The following BACE2 variants were observed in gnomAD, a reference collection of about 807,000 sequenced individuals.
BACE2 encodes 56 kDa aspartic-like protease.
In BACE2, 17 loss-of-function variants were observed where a neutral mutation model predicts 46.2. The ratio of observed to expected loss-of-function variants is 0.37; its 90% CI spans 0.25 to 0.55. The LOEUF is 0.55. Ranked by LOEUF, BACE2 falls within the 20% of genes least tolerant of loss-of-function variation. The pLI, the probability that BACE2 is intolerant of heterozygous loss-of-function variation, is 0.82. For synonymous variants in BACE2, 277 were observed against 295.9 expected, an observed-to-expected ratio of 0.94 and a Z score of 0.66; for missense variants, 595 against 698.1, an observed-to-expected ratio of 0.85 and a Z score of 1.66.
At chr21:41,251,526 T>C (rs1987638879) in intron 7 of BACE2, among the ~76,000 whole-genome samples, 2 of 152,114 alleles carry the variant, frequency 1.3e-5, no homozygotes, top group South Asian at 4.1e-4. Flanking sequence ...GTGGGCTGGG[T>C]GCGGTGGCTC....
At chr21:41,222,001 G>T (rs189388150) in intron 1 of BACE2, among the ~76,000 whole-genome samples, 2 of 152,148 alleles carry the variant, frequency 1.3e-5, no homozygotes, top group African/African-American at 4.8e-5. Flanking sequence ...GCATGATTGC[G>T]CACGGGGCCC....
At chr21:41,270,047 G>A (rs866465461) in intron 8 of BACE2, among the ~76,000 whole-genome samples, 2 of 152,224 alleles carry the variant, frequency 1.3e-5, no homozygotes, top group East Asian at 3.9e-4. Flanking sequence ...AATATTTAGC[G>A]GTCTCATCGT....
intron 2 of BACE2, among the ~76,000 whole-genome samples, chr21:41,228,355 C>T (rs922588144): frequency 1.3e-5 from 2 of 152,192 alleles, no homozygotes; most frequent in Non-Finnish European, 2.9e-5. Flanking sequence ...CACTCACACA[C>T]CCCAAGCAGC....
At chr21:41,208,911 C>T (rs1184145447) in intron 1 of BACE2, among the ~76,000 whole-genome samples, 1 of 152,152 alleles carries the variant, frequency 6.6e-6, no homozygotes, top group Non-Finnish European at 1.5e-5. Context: ...GGCAGAACAA[C>T]CACCTGCCAG....
At chr21:41,195,856 A>C (rs900578720) in intron 1 of BACE2, among the ~76,000 whole-genome samples, 2 of 152,264 alleles carry the variant, frequency 1.3e-5, no homozygotes, top group Non-Finnish European at 2.9e-5. Context: ...GAGAAGTATA[A>C]CTTACATGGC....
chr21:41,258,817 T>C lies in BACE2; in HGVS notation c.1303+1491T>C, dbSNP rs562305513. Among the ~76,000 whole-genome samples the C allele has an allele frequency of 1.2e-3, 179 of 152,304 alleles. No individual in the cohort carries two copies. In the Middle Eastern group the frequency reaches 0.02, roughly 17 times the overall value. ...GCATTTGTGAGCAGACTTGGAACCC[T>C]TCCCATTGTCATGTTTTTTATCTTT... On this transcript the variant is annotated intron_variant, in intron 8 of 8. Coordinates refer to ENST00000330333, the MANE Select transcript of BACE2 (RefSeq NM_012105.5).
chr21:41,216,706 C>A (rs565681901), intron 1 of BACE2, among the ~76,000 whole-genome samples: 19 of 152,304 alleles, frequency 1.2e-4, no homozygotes, highest in African/African-American at 4.6e-4. Context: ...ACTGGGGCTG[C>A]TGTGTGGAGG....
chr21:41,252,975 C>T (rs1249613760), intron 7 of BACE2, among the ~76,000 whole-genome samples: 1 of 152,154 alleles, frequency 6.6e-6, no homozygotes, highest in African/African-American at 2.4e-5. Flanking sequence ...TTCCCTCACA[C>T]CGTAACTTTG....
At chr21:41,171,737 A>G (rs1317821160) in intron 1 of BACE2, among the ~76,000 whole-genome samples, 2 of 152,244 alleles carry the variant, frequency 1.3e-5, no homozygotes, top group South Asian at 4.1e-4. Flanking sequence ...GAAGGTGTGC[A>G]GCCATATACC....
chr21:41,221,973 GT>G (rs1986670776), intron 1 of BACE2, among the ~76,000 whole-genome samples: 1 of 152,238 alleles, frequency 6.6e-6, no homozygotes. Flanking sequence ...AGCAGGAGCT[GT>G]CGGGACCCCG....
At chr21:41,220,727 T>A (rs1025426162) in intron 1 of BACE2, among the ~76,000 whole-genome samples, 14 of 150,598 alleles carry the variant, frequency 9.3e-5, no homozygotes, top group Non-Finnish European at 1.8e-4. Flanking sequence ...TGTAAATATA[T>A]TTTTATATAT....
intron 1 of BACE2, among the ~76,000 whole-genome samples, chr21:41,224,047 C>T (rs1481174436): frequency 6.6e-6 from 1 of 151,980 alleles, no homozygotes. Context: ...CCCCGGGATC[C>T]AGAGTGAAGA....
rs904971811 is a variant in BACE2 at position 41,238,482 on chromosome 21, C to G, written c.618+753C>G. Among the ~76,000 whole-genome samples the G allele has an allele frequency of 2.6e-5, 4 of 152,162 alleles. No homozygotes were observed. In the South Asian group the frequency reaches 8.3e-4, roughly 32 times the overall value. On this transcript the variant is annotated intron_variant, in intron 3 of 8. Coordinates refer to ENST00000330333, the MANE Select transcript of BACE2 (RefSeq NM_012105.5). ...GTAGACGCTAGGGGTGTGTGCAGGG[C>G]TCCTGGAGTCCACATGGGTTTGTAT...
chr21:41,185,382 A>G (rs1985333200), intron 1 of BACE2: 2 of 152,172 alleles, frequency 1.3e-5, no homozygotes, highest in Admixed American at 1.3e-4. Flanking sequence ...TGAAGAACCT[A>G]CCCAGTAGTG....
At chr21:41,220,979 G>C (rs529598416) in intron 1 of BACE2, among the ~76,000 whole-genome samples, 36 of 148,490 alleles carry the variant, frequency 2.4e-4, no homozygotes, top group African/African-American at 9.0e-4. Context: ...TGGATCACTT[G>C]AAGTCAGGAG....
intron 1 of BACE2, chr21:41,181,559 C>T (rs1273912002): frequency 1.8e-5 from 3 of 167,048 alleles, no homozygotes; most frequent in Non-Finnish European, 1.5e-5. Context: ...ACCAGAGCAT[C>T]GCAGGGAAGC....
rs142437298 is a variant in BACE2, at chr21:41,172,218, G to A, written c.312+3643G>A. On this transcript the variant is annotated intron_variant, in intron 1 of 8. Transcript: ENST00000330333. ...TCGAGTGAGAAGTGGCAGCTTCTGGGCTTTAGAGAAAGAATTCATCAAAGA... is the reference window on the plus strand; with the variant it reads ...TCGAGTGAGAAGTGGCAGCTTCTGGACTTTAGAGAAAGAATTCATCAAAGA... Among the ~76,000 whole-genome samples the A allele has an allele frequency of 6.6e-3, 1,007 of 152,348 alleles. 9 individuals are homozygous for A. The highest frequency in any genetic ancestry group is 0.023 in the African/African-American group (953 of 41,576).
chr21:41,168,540 T>G lies in BACE2; in HGVS notation c.277T>G (p.Tyr93Asp). 1 of 1,340,546 alleles carries G rather than the reference T, an allele frequency of 7.5e-7. No individual in the cohort carries two copies. The highest frequency in any genetic ancestry group is 9.6e-7 in the Non-Finnish European group (1 of 1,038,420). 83.0% of individuals were successfully genotyped at this position (1,340,546 alleles called of 1,614,324 possible). ...GCAGGGGGACTCTGGCCGCGGCTACTACCTGGAGATGCTGATCGGGACCCC... is the reference window on the plus strand; with the variant it reads ...GCAGGGGGACTCTGGCCGCGGCTACGACCTGGAGATGCTGATCGGGACCCC... ...NLQGDSGRGY[Y>D]LEMLIGTPPQ... The change falls in exon 1 of 9, where the codon TAC becomes GAC. Residue 93 changes from tyrosine (Y) to aspartate (D), a missense_variant. This residue lies in a region of BACE2 where 248 missense variants were observed against 261.4 expected (regional missense o/e 0.95). Transcript: ENST00000330333.
intron 8 of BACE2, among the ~76,000 whole-genome samples, chr21:41,274,639 G>A (rs2088465810): frequency 6.6e-6 from 1 of 152,182 alleles, no homozygotes; most frequent in African/African-American, 2.4e-5. Context: ...TTCCTTCTTG[G>A]TTTGAAGTTA....
Sources: gnomAD v4.1 joint callset for allele counts (sites outside exome capture counted in the v4.1 genomes callset) on GRCh38, gnomAD v4.1.1 for gene constraint, gnomAD v4.1.1 regional missense constraint, MANE v1.5 for transcripts, NCBI Gene and HGNC (gene_info 2026-07-23, HGNC 2026-07-21) for gene names.